CRYBG1: variants seen among roughly 807,000 people sequenced by gnomAD.
CRYBG1 encodes the protein beta/gamma crystallin domain-containing protein 1.
A neutral mutation model predicts 189.2 loss-of-function variants in CRYBG1; 139 were observed. The observed-to-expected ratio is 0.73, with a 90% CI of 0.64 to 0.85. CRYBG1 has a LOEUF of 0.85. Ranked by LOEUF, CRYBG1 falls within the 40% of genes least tolerant of loss-of-function variation. The probability of loss-of-function intolerance (pLI) is 0.00; values close to 1 mark genes in which losing one functional copy is unlikely to be tolerated. For synonymous variants in CRYBG1, 1,023 were observed against 1,017.1 expected, an observed-to-expected ratio of 1.01 and a Z score of -0.11; for missense variants, 2,611 against 2,675.8, an observed-to-expected ratio of 0.98 and a Z score of 0.53.
At chr6:106,406,026 G>A (rs2114362718) in intron 1 of CRYBG1, among the ~76,000 whole-genome samples, 1 of 152,282 alleles carries the variant, frequency 6.6e-6, no homozygotes. Context: ...TGGAGAATGA[G>A]TTTGACGAAT....
intron 20 of CRYBG1, 152 bp downstream of exon 20, chr6:106,561,652 T>A (rs1414855888): frequency 3.4e-6 from 3 of 884,268 alleles, no homozygotes; most frequent in Non-Finnish European, 5.1e-6. Context: ...TGACAGTATA[T>A]CCTAGCTCTG....
chr6:106,367,415 C>T (rs868641569), intron 1 of CRYBG1, among the ~76,000 whole-genome samples: 8 of 151,558 alleles, frequency 5.3e-5, no homozygotes, highest in African/African-American at 1.2e-4. Flanking sequence ...GGTGAAACCC[C>T]GTCTCTACTA....
intron 3 of CRYBG1, among the ~76,000 whole-genome samples, chr6:106,517,523 T>A (rs1179437355): frequency 6.6e-6 from 1 of 151,340 alleles, no homozygotes; most frequent in Non-Finnish European, 1.5e-5. Context: ...CACACACATA[T>A]ATATAAGCTT....
At chr6:106,447,572 A>ATC (rs1194000576) in intron 1 of CRYBG1, among the ~76,000 whole-genome samples, 8 of 143,846 alleles carry the variant, frequency 5.6e-5, no homozygotes, top group Non-Finnish European at 1.1e-4. Context: ...ATATATATAT[A>ATC]TCTACTATGT....
At chr6:106,417,190 T>C (rs1243437663) in intron 1 of CRYBG1, among the ~76,000 whole-genome samples, 1 of 151,808 alleles carries the variant, frequency 6.6e-6, no homozygotes, top group African/African-American at 2.4e-5. Context: ...AGACAGGGTC[T>C]GACTAAAATT....
At position 106,512,120 on chromosome 6, in the gene CRYBG1, C is replaced by G. The variant is rs764341578; in HGVS notation, c.1003C>G (p.Pro335Ala). Residue 335 changes from proline (P) to alanine (A), a missense_variant, in exon 3 of 22, where the codon CCC (proline) becomes GCC (alanine). By Grantham distance (27) the Pro-to-Ala change is conservative. Around this residue, in one of 3 missense-constraint regions of CRYBG1, gnomAD observed 985 missense variants for 924.4 expected, o/e 1.07. Transcript: ENST00000633556. ...SLGPRNARSQPPKGASDLPGE... is the reference protein window; with the variant it reads ...SLGPRNARSQAPKGASDLPGE... ...GGGGCCCCGCAACGCCCGCAGCCAG[C>G]CCCCCAAGGGCGCGTCTGATTTGCC... 6.5e-7 allele frequency: 1 copy of G among 1,534,226 alleles called. No homozygotes were observed. Among genetic ancestry groups the G allele is most frequent in the African/African-American group, 1.4e-5 (1 of 72,988 alleles).
At chr6:106,521,711 C>CTTTTTTTTTTT (rs397976859) in intron 4 of CRYBG1, among the ~76,000 whole-genome samples, 7 of 72,170 alleles carry the variant, frequency 9.7e-5, no homozygotes, top group Admixed American at 4.4e-4. Flanking sequence ...GGCACATGAT[C>CTTTTTTTTTTT]TTTTTTTTTT....
intron 1 of CRYBG1, among the ~76,000 whole-genome samples, chr6:106,366,232 C>T (rs1042165505): frequency 2.6e-5 from 4 of 152,156 alleles, no homozygotes; most frequent in African/African-American, 9.7e-5. Context: ...GCATAAAGAA[C>T]ATAGCCAGGT....
chr6:106,451,831 A>T lies in CRYBG1; in HGVS notation c.311A>T (p.Lys104Met). Residue 104 changes from lysine (K) to methionine (M), a missense_variant and splice_region_variant, in exon 2 of 22, where the codon AAG becomes ATG. Coordinates refer to ENST00000633556, the MANE Select transcript of CRYBG1 (RefSeq NM_001371242.2). ...SLLLESGIFK[K>M]SRAQPPEDNR... ...CTTCTAGAGTCTGGAATATTTAAAAAGGTAATGCTTCATTTCTAATGTTTG... is the reference window on the plus strand; with the variant it reads ...CTTCTAGAGTCTGGAATATTTAAAATGGTAATGCTTCATTTCTAATGTTTG... 3 of 1,533,944 alleles carry T rather than the reference A, an allele frequency of 2.0e-6. No individual in the cohort carries two copies. Among genetic ancestry groups the T allele is most frequent in the Non-Finnish European group, 2.6e-6 (3 of 1,145,922 alleles).
chr6:106,465,622 A>G (rs910097115), intron 2 of CRYBG1, among the ~76,000 whole-genome samples: 57 of 152,236 alleles, frequency 3.7e-4, no homozygotes, highest in Admixed American at 3.7e-3. Context: ...CTGGAAAAAA[A>G]TCTTAAAAAC....
At chr6:106,517,174 A>G (rs983961557) in intron 3 of CRYBG1, among the ~76,000 whole-genome samples, 1 of 150,696 alleles carries the variant, frequency 6.6e-6, no homozygotes, top group Non-Finnish European at 1.5e-5. Context: ...TCACCTGGCT[A>G]ATTTTTTTGT....
chr6:106,479,551 T>C (rs1772401309), intron 2 of CRYBG1, among the ~76,000 whole-genome samples: 1 of 152,208 alleles, frequency 6.6e-6, no homozygotes, highest in African/African-American at 2.4e-5. Context: ...CCACCAGTAA[T>C]GTATAAGGGT....
intron 1 of CRYBG1, among the ~76,000 whole-genome samples, chr6:106,376,837 G>C (rs1366399843): frequency 6.6e-6 from 1 of 152,108 alleles, no homozygotes; most frequent in South Asian, 2.1e-4. Context: ...TTATATTTTA[G>C]GTTTAGGGCT....
intron 1 of CRYBG1, among the ~76,000 whole-genome samples, chr6:106,418,286 G>A (rs566714285): frequency 6.6e-6 from 1 of 152,332 alleles, no homozygotes; most frequent in East Asian, 1.9e-4. Context: ...TGGTTAAAAG[G>A]CATTATTCAG....
chr6:106,509,552 C>T (rs1394571847), intron 2 of CRYBG1, among the ~76,000 whole-genome samples: 2 of 152,138 alleles, frequency 1.3e-5, no homozygotes, highest in Admixed American at 1.3e-4. Context: ...GCTGTCTAGT[C>T]CCAAAGCGCC....
chr6:106,447,903 T>A (rs1771697742), intron 1 of CRYBG1, among the ~76,000 whole-genome samples: 1 of 152,206 alleles, frequency 6.6e-6, no homozygotes. Context: ...TAGATAGTGT[T>A]ACAAAGTTGC....
chr6:106,365,461 A>AAT (rs1173575312), intron 1 of CRYBG1, among the ~76,000 whole-genome samples: 1 of 150,366 alleles, frequency 6.7e-6, no homozygotes. Flanking sequence ...CAAAAAAAAA[A>AAT]AAACATAAAT....
intron 2 of CRYBG1, among the ~76,000 whole-genome samples, chr6:106,473,163 T>A (rs928260276): frequency 6.6e-6 from 1 of 152,206 alleles, no homozygotes; most frequent in African/African-American, 2.4e-5. Flanking sequence ...TCTCCAATTT[T>A]AACTATTCTT....
At position 106,541,786 on chromosome 6, in the gene CRYBG1, G is replaced by A. The variant is rs533402307; in HGVS notation, c.4881+165G>A. On this transcript the variant is annotated intron_variant, in intron 10 of 21. Transcript: ENST00000633556. Reference sequence around the variant, plus strand: ...CACATAAATGCAGCCAAAGGAAGTTGCCAACTTACACTTGCCATCCTTCAG... The same window carrying A: ...CACATAAATGCAGCCAAAGGAAGTTACCAACTTACACTTGCCATCCTTCAG... 9.8e-4 allele frequency among the ~76,000 whole-genome samples: 149 copies of A among 152,192 alleles called. 1 individual carries two copies. Among genetic ancestry groups the A allele is most frequent in the Non-Finnish European group, 1.3e-3 (91 of 68,000 alleles).
Sources: gnomAD v4.1 joint callset for allele counts (sites outside exome capture counted in the v4.1 genomes callset) on GRCh38, gnomAD v4.1.1 for gene constraint, gnomAD v4.1.1 regional missense constraint, MANE v1.5 for transcripts, NCBI Gene and HGNC (gene_info 2026-07-23, HGNC 2026-07-21) for gene names.